RANBP17: variants seen among roughly 807,000 people sequenced by gnomAD.
The protein encoded by RANBP17 is ran-binding protein 17.
Under a neutral mutation model 141.2 loss-of-function variants are expected in RANBP17, and 158 were observed. The observed-to-expected ratio is 1.12, with a 90% CI of 0.98 to 1.28. RANBP17 has a LOEUF of 1.28. Ranked by LOEUF, RANBP17 falls within the 50% of genes most tolerant of loss-of-function variation. The probability of loss-of-function intolerance (pLI) is 0.00; values close to 1 mark genes in which losing one functional copy is unlikely to be tolerated. For missense variants in RANBP17, 1,438 were observed against 1,290.7 expected (o/e 1.11, Z -1.75); for synonymous variants, 430 against 450.0 (o/e 0.96, Z 0.56).
chr5:170,872,790 CAT>C (rs1767858633), intron 1 of RANBP17, among the ~76,000 whole-genome samples: 1 of 152,154 alleles, frequency 6.6e-6, no homozygotes, highest in South Asian at 2.1e-4. Context: ...TTGAGATAAT[CAT>C]GTGATTTTTG....
At chr5:171,206,485 G>C (rs1425959396) in intron 20 of RANBP17, 1 of 155,728 alleles carries the variant, frequency 6.4e-6, no homozygotes, top group Non-Finnish European at 1.4e-5. Flanking sequence ...AGTCATCTAA[G>C]TGTTATATAA....
chr5:171,182,362 A>T (rs1464052487), intron 16 of RANBP17, among the ~76,000 whole-genome samples: 4 of 152,168 alleles, frequency 2.6e-5, no homozygotes, highest in Non-Finnish European at 2.9e-5. Flanking sequence ...CCTTGTATTC[A>T]TGTTTCCGAT....
chr5:171,025,081 T>G (rs1052880571), intron 14 of RANBP17, among the ~76,000 whole-genome samples: 1 of 152,180 alleles, frequency 6.6e-6, no homozygotes, highest in East Asian at 1.9e-4. Context: ...AATCAGTCAT[T>G]AAGACCTTTC....
At position 171,230,348 on chromosome 5, in the gene RANBP17, G is replaced by A. The variant is rs545052447; in HGVS notation, c.2422+8508G>A. ...AAGCACATAAATATAGAACAGCCTGGTTGGTTAGGAAACTTAAGGAATTTC... is the reference window on the plus strand; with the variant it reads ...AAGCACATAAATATAGAACAGCCTGATTGGTTAGGAAACTTAAGGAATTTC... On this transcript the variant is annotated intron_variant, in intron 22 of 27. Transcript: ENST00000523189. 5.2e-4 allele frequency among the ~76,000 whole-genome samples: 79 copies of A among 152,302 alleles called. 2 individuals carry two copies. The South Asian group carries it at 0.016, about 31-fold the overall frequency.
intron 14 of RANBP17, among the ~76,000 whole-genome samples, chr5:171,164,862 G>C (rs976351549): frequency 6.6e-6 from 1 of 152,186 alleles, no homozygotes; most frequent in South Asian, 2.1e-4. Context: ...ATTTCTGAGT[G>C]TTACTAGAAG....
chr5:170,967,681 A>G (rs1776681136), intron 13 of RANBP17, among the ~76,000 whole-genome samples: 1 of 151,570 alleles, frequency 6.6e-6, no homozygotes, highest in South Asian at 2.1e-4. Context: ...TGCTGTTAGG[A>G]ATATTTGATT....
chr5:170,888,974 A>C (rs972758075), intron 3 of RANBP17, among the ~76,000 whole-genome samples: 1 of 151,946 alleles, frequency 6.6e-6, no homozygotes, highest in Non-Finnish European at 1.5e-5. Flanking sequence ...TTATGTTATC[A>C]TGTGATTTTT....
chr5:171,170,403 T>C (rs1482656938), intron 15 of RANBP17, among the ~76,000 whole-genome samples, 200 bp downstream of exon 15: 1 of 152,148 alleles, frequency 6.6e-6, no homozygotes, highest in East Asian at 1.9e-4. Flanking sequence ...GACATTGTAA[T>C]TTGTCAAGTT....
chr5:170,979,433 T>TA (rs748477734), intron 14 of RANBP17, among the ~76,000 whole-genome samples: 4 of 152,178 alleles, frequency 2.6e-5, no homozygotes, highest in Non-Finnish European at 5.9e-5. Context: ...GAATAAAAAA[T>TA]ACATTTGCAA....
At chr5:171,155,094 A>AAAAAAAAAAAATATATAT (rs34090443) in intron 14 of RANBP17, among the ~76,000 whole-genome samples, 1 of 74,988 alleles carries the variant, frequency 1.3e-5, no homozygotes, top group African/African-American at 5.2e-5. Flanking sequence ...AAAAAAAAAA[A>AAAAAAAAAAAATATATAT]ATATATATAT....
intron 14 of RANBP17, among the ~76,000 whole-genome samples, chr5:171,040,981 A>G (rs1390988541): frequency 6.6e-6 from 1 of 152,126 alleles, no homozygotes; most frequent in Non-Finnish European, 1.5e-5. Flanking sequence ...ATGTTGATCC[A>G]GGGCTGAAAA....
rs191575355 is a variant in RANBP17 at position 171,078,345 on chromosome 5, G to A, written c.1711-91785G>A. On this transcript the variant is annotated intron_variant, in intron 14 of 27. Transcript: ENST00000523189. ...GCCCAGCTAATTTTTTGGTAGAGAC[G>A]GAGTTTCACCATGTTGGCAAGGCTG... 5.4e-4 allele frequency among the ~76,000 whole-genome samples: 82 copies of A among 151,990 alleles called. 1 individual carries two copies. In the East Asian group the frequency reaches 9.7e-3, roughly 18 times the overall value.
chr5:171,156,293 A>G (rs1220760431), intron 14 of RANBP17, among the ~76,000 whole-genome samples: 3 of 152,224 alleles, frequency 2.0e-5, no homozygotes, highest in East Asian at 1.9e-4. Flanking sequence ...TTAAAAGACT[A>G]TGTGATACTA....
chr5:171,261,553 A>G (rs752278733), intron 24 of RANBP17, among the ~76,000 whole-genome samples: 4 of 152,190 alleles, frequency 2.6e-5, no homozygotes, highest in Non-Finnish European at 5.9e-5. Flanking sequence ...ACAGCTTTCA[A>G]TGATGGGTCT....
At chr5:171,172,077 A>T (rs988149883) in intron 16 of RANBP17, among the ~76,000 whole-genome samples, 5 of 151,990 alleles carry the variant, frequency 3.3e-5, no homozygotes, top group African/African-American at 1.2e-4. Flanking sequence ...ATCTTTTAAT[A>T]TGAGGACAAA....
chr5:170,934,978 A>G (rs1773734622), intron 12 of RANBP17, among the ~76,000 whole-genome samples: 1 of 152,116 alleles, frequency 6.6e-6, no homozygotes, highest in African/African-American at 2.4e-5. Context: ...ATGTAGTCCC[A>G]TATTTCTTGT....
Position 170,956,390 on chromosome 5 carries a change from C to T in RANBP17, c.1574+2688C>T, listed in dbSNP as rs369254900. ...CATTTTGTTCCATTTCCTTTTCAACCTTTAAACTATTTCTTCAATAAAATG... is the reference window on the plus strand; with the variant it reads ...CATTTTGTTCCATTTCCTTTTCAACTTTTAAACTATTTCTTCAATAAAATG... On this transcript the variant is annotated intron_variant, in intron 13 of 27. Coordinates refer to ENST00000523189, the MANE Select transcript of RANBP17 (RefSeq NM_022897.5). 1.3e-3 allele frequency among the ~76,000 whole-genome samples: 199 copies of T among 151,988 alleles called. 1 individual carries two copies. Among genetic ancestry groups the T allele is most frequent in the South Asian group, 0.013 (61 of 4,814 alleles).
At chr5:170,917,434 TG>T (rs1447087244) in intron 9 of RANBP17, among the ~76,000 whole-genome samples, 7 of 152,208 alleles carry the variant, frequency 4.6e-5, no homozygotes, top group Admixed American at 4.6e-4. Flanking sequence ...TAAAATATTT[TG>T]TTTTACTTTT....
chr5:170,914,177 A>AC lies in RANBP17; in HGVS notation c.773dup (p.Glu259ArgfsTer37). ...AATTTTTTTTCCCAGTTTTCCTGGA[A>AC]CCAGAAACATTGGATCTTTTCTTCA... On this transcript the variant is annotated frameshift_variant, in exon 8 of 28. Coordinates refer to ENST00000523189, the MANE Select transcript of RANBP17 (RefSeq NM_022897.5). LOFTEE classifies it high-confidence loss of function. The AC allele has an allele frequency of 6.2e-7, 1 of 1,606,946 alleles. No individual in the cohort carries two copies.
Sources: allele counts gnomAD v4.1 joint callset (sites outside exome capture counted in the v4.1 genomes callset), GRCh38; gene constraint gnomAD v4.1.1; transcripts MANE v1.5; gene names NCBI Gene and HGNC (gene_info 2026-07-23, HGNC 2026-07-21).